ANTXR1: variants seen among roughly 807,000 people sequenced by gnomAD.
ANTXR1 encodes anthrax toxin receptor 1.
Under a neutral mutation model 78.1 loss-of-function variants are expected in ANTXR1, and 19 were observed. The observed-to-expected ratio is 0.24, with a 90% CI of 0.17 to 0.36. The LOEUF (loss-of-function observed/expected upper bound fraction) is 0.36, where lower values mean the gene tolerates loss of function less well. ANTXR1 is among the 10% of genes least tolerant of loss of function. The pLI is 1.00. For synonymous variants in ANTXR1, 273 were observed against 260.5 expected, an observed-to-expected ratio of 1.05 and a Z score of -0.46; for missense variants, 518 against 718.6, an observed-to-expected ratio of 0.72 and a Z score of 3.19.
At chr2:69,124,462 G>A in intron 11 of ANTXR1, 103 bp from the exon 12 acceptor site, 1 of 989,422 alleles carries the variant, frequency 1.0e-6, no homozygotes, top group Non-Finnish European at 1.6e-6. Context: ...CAGTCTCAAG[G>A]GTATTTAAGA....
chr2:69,075,210 G>T (rs1018323238), intron 6 of ANTXR1, among the ~76,000 whole-genome samples: 1 of 152,080 alleles, frequency 6.6e-6, no homozygotes, highest in Non-Finnish European at 1.5e-5. Context: ...AAGTTCCAAA[G>T]GCCCCATTCT....
chr2:69,026,384 G>A (rs1456060393), intron 1 of ANTXR1, among the ~76,000 whole-genome samples: 3 of 152,222 alleles, frequency 2.0e-5, no homozygotes, highest in African/African-American at 7.2e-5. Context: ...AATAGTATGT[G>A]TCACATAAGG....
At chr2:69,126,589 A>T (rs948997589) in intron 12 of ANTXR1, among the ~76,000 whole-genome samples, 1 of 152,124 alleles carries the variant, frequency 6.6e-6, no homozygotes, top group African/African-American at 2.4e-5. Context: ...ATTTCTCATT[A>T]TGTCTGACCA....
chr2:69,039,735 G>C (rs532304470), intron 1 of ANTXR1, among the ~76,000 whole-genome samples: 75 of 151,976 alleles, frequency 4.9e-4, no homozygotes, highest in Non-Finnish European at 1.0e-3. Flanking sequence ...TCTCGAAGAC[G>C]CAAAACTCAT....
At chr2:69,098,464 G>A (rs1223865940) in intron 9 of ANTXR1, among the ~76,000 whole-genome samples, 2 of 152,166 alleles carry the variant, frequency 1.3e-5, no homozygotes. Flanking sequence ...ACCAGAACAA[G>A]TGGAGAATAT....
At chr2:69,136,464 T>C (rs1672911966) in intron 12 of ANTXR1, among the ~76,000 whole-genome samples, 1 of 152,230 alleles carries the variant, frequency 6.6e-6, no homozygotes, top group African/African-American at 2.4e-5. Flanking sequence ...TTGAAATCAA[T>C]AGCCAATCAA....
chr2:69,039,698 T>C (rs565148416), intron 1 of ANTXR1, among the ~76,000 whole-genome samples: 18 of 152,240 alleles, frequency 1.2e-4, no homozygotes, highest in Middle Eastern at 3.4e-3. Flanking sequence ...ATCAGAGAAA[T>C]AATTTAATAG....
chr2:69,046,319 G>A (rs904313081), intron 3 of ANTXR1, among the ~76,000 whole-genome samples: 29 of 152,124 alleles, frequency 1.9e-4, no homozygotes, highest in African/African-American at 7.0e-4. Flanking sequence ...GGTCAGAGGG[G>A]TCAGGGATTT....
chr2:69,126,910 C>T (rs1672558861), intron 12 of ANTXR1, among the ~76,000 whole-genome samples: 2 of 152,152 alleles, frequency 1.3e-5, no homozygotes, highest in South Asian at 4.1e-4. Flanking sequence ...ATATATTCTG[C>T]ATTATTCCAT....
rs367919868 is a variant in ANTXR1, at chr2:69,124,549, C to T, written c.873-16C>T. On this transcript the variant is annotated splice_polypyrimidine_tract_variant and intron_variant, in intron 11 of 17. Coordinates refer to ENST00000303714, the MANE Select transcript of ANTXR1 (RefSeq NM_032208.3). Reference sequence around the variant, plus strand: ...CACGCCCTGCTGAGAGTCTGCTTCCCTTGTTGTCATTGCAGGAAAGCTGCA... The same window carrying T: ...CACGCCCTGCTGAGAGTCTGCTTCCTTTGTTGTCATTGCAGGAAAGCTGCA... 49 of 1,613,612 alleles carry T rather than the reference C, an allele frequency of 3.0e-5. No individual in the cohort carries two copies. The highest frequency in any genetic ancestry group is 2.2e-5 in the East Asian group (1 of 44,890).
intron 1 of ANTXR1, among the ~76,000 whole-genome samples, chr2:69,035,173 G>T (rs1267428264): frequency 6.6e-6 from 1 of 152,114 alleles, no homozygotes; most frequent in Admixed American, 6.5e-5. Context: ...CGGGGTGGGG[G>T]TCTGGTTGAG....
intron 12 of ANTXR1, among the ~76,000 whole-genome samples, chr2:69,147,207 G>C (rs1673255169): frequency 6.6e-6 from 1 of 152,242 alleles, no homozygotes; most frequent in Non-Finnish European, 1.5e-5. Flanking sequence ...TAGCACCTGA[G>C]TGTCTTCATC....
chr2:69,087,975 C>G (rs1400636807), intron 8 of ANTXR1, among the ~76,000 whole-genome samples: 1 of 152,190 alleles, frequency 6.6e-6, no homozygotes, highest in African/African-American at 2.4e-5. Flanking sequence ...CTGCCCATCC[C>G]CCTCACTGAT....
chr2:69,085,001 T>G (rs4854543), intron 8 of ANTXR1, among the ~76,000 whole-genome samples: 1 of 151,610 alleles, frequency 6.6e-6, no homozygotes, highest in Non-Finnish European at 1.5e-5. Context: ...TACAGGCGCC[T>G]GCCACCACAC....
chr2:69,198,375 A>G (rs1048266623), intron 17 of ANTXR1, among the ~76,000 whole-genome samples: 2 of 152,110 alleles, frequency 1.3e-5, no homozygotes, highest in African/African-American at 2.4e-5. Flanking sequence ...TCGTTTGTCA[A>G]TTGGTTTGAC....
intron 1 of ANTXR1, among the ~76,000 whole-genome samples, chr2:69,038,503 GTGT>G (rs1553432229): frequency 1.3e-5 from 2 of 152,178 alleles, no homozygotes; most frequent in Non-Finnish European, 2.9e-5. Flanking sequence ...TAGACAATCT[GTGT>G]TGTTCAAAAA....
At chr2:69,191,110 G>A (rs76579698) in intron 16 of ANTXR1, among the ~76,000 whole-genome samples, 11,252 of 152,166 alleles carry the variant, frequency 0.074, 1,173 homozygotes, top group African/African-American at 0.22. Flanking sequence ...CTGGTGATTG[G>A]AACGGCTTAA....
At chr2:69,231,682 G>A (rs540258103) in intron 17 of ANTXR1, among the ~76,000 whole-genome samples, 79 of 152,258 alleles carry the variant, frequency 5.2e-4, no homozygotes, top group African/African-American at 1.8e-3. Context: ...GGAATCACTG[G>A]AAGGTTGATT....
At chr2:69,204,395 G>A (rs1338619705) in intron 17 of ANTXR1, among the ~76,000 whole-genome samples, 1 of 152,108 alleles carries the variant, frequency 6.6e-6, no homozygotes, top group East Asian at 1.9e-4. Context: ...TCTCGGAGTT[G>A]GACTGGCAGT....
Sources: gnomAD v4.1 joint callset for allele counts (sites outside exome capture counted in the v4.1 genomes callset) on GRCh38, gnomAD v4.1.1 for gene constraint, MANE v1.5 for transcripts, NCBI Gene and HGNC (gene_info 2026-07-23, HGNC 2026-07-21) for gene names.